Variants in FAM163A observed in about 807,000 individuals in gnomAD.
FAM163A encodes the protein protein FAM163A.
In FAM163A, 7 loss-of-function variants were observed where a neutral mutation model predicts 12.0. That is an observed-to-expected ratio of 0.58 (90% confidence interval 0.33 to 1.10). The LOEUF is 1.10. Among genes scored for constraint, FAM163A ranks in the 50% least tolerant of loss-of-function variants. The probability of loss-of-function intolerance (pLI) is 0.03; values close to 1 mark genes in which losing one functional copy is unlikely to be tolerated. For synonymous variants in FAM163A, 101 were observed against 91.0 expected (o/e 1.11, Z -0.62); for missense variants, 202 against 218.6 (o/e 0.92, Z 0.48).
intron 1 of FAM163A, among the ~76,000 whole-genome samples, chr1:179,751,733 G>A (rs1422988315): frequency 6.6e-6 from 1 of 152,124 alleles, no homozygotes; most frequent in Non-Finnish European, 1.5e-5. Flanking sequence ...GGAGAACATA[G>A]CTACATCATA....
the FAM163A span, among the ~76,000 whole-genome samples, chr1:179,737,244 T>C: frequency 6.6e-6 from 1 of 152,132 alleles, no homozygotes; most frequent in Non-Finnish European, 1.5e-5. Flanking sequence ...TAAGTGAAAA[T>C]AAGCCTGTTA....
intron 1 of FAM163A, among the ~76,000 whole-genome samples, chr1:179,771,278 C>G (rs927849229): frequency 6.6e-6 from 1 of 152,122 alleles, no homozygotes; most frequent in Non-Finnish European, 1.5e-5. Context: ...GCAGCCCCAC[C>G]AGCTCTGCAC....
At chr1:179,800,793 G>A (rs939119359) in intron 1 of FAM163A, among the ~76,000 whole-genome samples, 14 of 152,196 alleles carry the variant, frequency 9.2e-5, no homozygotes, top group African/African-American at 3.4e-4. Context: ...AGCCAGACAA[G>A]GTCCAGTCAA....
intron 1 of FAM163A, among the ~76,000 whole-genome samples, chr1:179,795,958 C>CTATTATTATTAT (rs56872344): frequency 0.058 from 8,515 of 146,320 alleles, 317 homozygotes; most frequent in Middle Eastern, 0.087. Context: ...GAGTCTTTCT[C>CTATTATTATTAT]TATTATTATT....
intron 1 of FAM163A, among the ~76,000 whole-genome samples, chr1:179,781,196 G>A (rs1689676203): frequency 6.6e-6 from 1 of 152,038 alleles, no homozygotes; most frequent in Non-Finnish European, 1.5e-5. Flanking sequence ...TTCTTTTTAG[G>A]GTGATGAAAA....
chr1:179,735,762 C>T, the FAM163A span, among the ~76,000 whole-genome samples: 3 of 152,034 alleles, frequency 2.0e-5, no homozygotes, highest in African/African-American at 7.2e-5. Context: ...CTCGGCCTCC[C>T]AAAGTGCTGG....
intron 1 of FAM163A, among the ~76,000 whole-genome samples, chr1:179,755,136 C>CA (rs35201060): frequency 0.3 from 32,790 of 109,100 alleles, 4,820 homozygotes; most frequent in East Asian, 0.67. Context: ...GACTCTGCCT[C>CA]AAAAAAAAAA....
chr1:179,750,569 T>C (rs1378634146), intron 1 of FAM163A, among the ~76,000 whole-genome samples: 1 of 152,118 alleles, frequency 6.6e-6, no homozygotes, highest in East Asian at 1.9e-4. Flanking sequence ...CCAGTAGAAT[T>C]AGGGTTCAGA....
intron 1 of FAM163A, among the ~76,000 whole-genome samples, chr1:179,802,978 T>C (rs191648349): frequency 2.0e-5 from 3 of 152,216 alleles, no homozygotes; most frequent in Non-Finnish European, 2.9e-5. Context: ...GCTGCTGTAG[T>C]TACCCATCTA....
At chr1:179,769,422 G>A (rs1010702196) in intron 1 of FAM163A, among the ~76,000 whole-genome samples, 1 of 151,886 alleles carries the variant, frequency 6.6e-6, no homozygotes, top group African/African-American at 2.4e-5. Flanking sequence ...CAAAGTTCTG[G>A]GATTACAGAG....
chr1:179,774,665 G>C (rs150893130), intron 1 of FAM163A, among the ~76,000 whole-genome samples: 105 of 152,316 alleles, frequency 6.9e-4, no homozygotes, highest in Admixed American at 2.3e-3. Context: ...TTGACCGGTG[G>C]GCTGAGCTGA....
intron 1 of FAM163A, among the ~76,000 whole-genome samples, chr1:179,783,727 TATATAA>T (rs1690130997): frequency 1.6e-5 from 2 of 122,272 alleles, no homozygotes; most frequent in African/African-American, 4.1e-5. Context: ...TCCCAAATTT[TATATAA>T]TTGAGCCCAA....
At chr1:179,764,861 T>G (rs960444123) in intron 1 of FAM163A, among the ~76,000 whole-genome samples, 6 of 152,232 alleles carry the variant, frequency 3.9e-5, no homozygotes, top group Non-Finnish European at 7.3e-5. Flanking sequence ...TGACAATCTG[T>G]ACCTCAGGAG....
chr1:179,733,242 A>G, the FAM163A span, among the ~76,000 whole-genome samples: 1 of 151,758 alleles, frequency 6.6e-6, no homozygotes, highest in African/African-American at 2.4e-5. Context: ...TAGAAAGATT[A>G]ACTTCCCTGA....
intron 1 of FAM163A, among the ~76,000 whole-genome samples, chr1:179,775,999 A>T (rs773408124): frequency 6.6e-6 from 1 of 152,074 alleles, no homozygotes. Context: ...AATTGATCAG[A>T]TGGGGTGGGG....
chr1:179,795,481 T>G (rs1443861446), intron 1 of FAM163A, among the ~76,000 whole-genome samples: 1 of 152,192 alleles, frequency 6.6e-6, no homozygotes, highest in Non-Finnish European at 1.5e-5. Flanking sequence ...AAAGGATAAA[T>G]TGGCCTGCAT....
rs560420522 is a variant in FAM163A, at chr1:179,807,171, C to G, written c.-135-627C>G. The stretch of plus-strand genomic sequence containing the variant: ...ACAAATGAAACAATGTAAAGAGACC[C>G]CCAAAAATTAGCCTACCCTGGATTC... On this transcript the variant is annotated intron_variant, in intron 1 of 4. Transcript: ENST00000341785. 2.0e-5 allele frequency among the ~76,000 whole-genome samples: 3 copies of G among 152,234 alleles called. No homozygotes were observed. In the East Asian group the frequency reaches 5.8e-4, roughly 29 times the overall value.
At chr1:179,770,113 G>A (rs1032215888) in intron 1 of FAM163A, among the ~76,000 whole-genome samples, 1 of 151,756 alleles carries the variant, frequency 6.6e-6, no homozygotes, top group Admixed American at 6.6e-5. Flanking sequence ...CACCGTGTTA[G>A]CCAGGATTGT....
At chr1:179,749,279 A>G (rs1261866223) in intron 1 of FAM163A, among the ~76,000 whole-genome samples, 1 of 152,238 alleles carries the variant, frequency 6.6e-6, no homozygotes, top group Non-Finnish European at 1.5e-5. Context: ...CCAGGGACTC[A>G]CAGTACATGG....
Sources: gnomAD v4.1 joint callset for allele counts (sites outside exome capture counted in the v4.1 genomes callset) on GRCh38, gnomAD v4.1.1 for gene constraint, MANE v1.5 for transcripts, NCBI Gene and HGNC (gene_info 2026-07-23, HGNC 2026-07-21) for gene names.